Variants in CLYBL observed in about 807,000 individuals in gnomAD.
The protein encoded by CLYBL is citramalyl-CoA lyase.
A neutral mutation model predicts 38.9 loss-of-function variants in CLYBL; 31 were observed. The observed-to-expected ratio is 0.80, with a 90% CI of 0.60 to 1.08. The LOEUF is 1.08. CLYBL is among the 50% of genes least tolerant of loss of function. The pLI is 0.00. For synonymous variants in CLYBL, 171 were observed against 158.6 expected (o/e 1.08, Z -0.59); for missense variants, 434 against 411.6 (o/e 1.05, Z -0.47).
intron 2 of CLYBL, among the ~76,000 whole-genome samples, chr13:99,852,455 A>G (rs1219032606): frequency 6.6e-6 from 1 of 152,200 alleles, no homozygotes; most frequent in East Asian, 1.9e-4. Flanking sequence ...TGAATACACT[A>G]ACAGCCACTG....
intron 2 of CLYBL, among the ~76,000 whole-genome samples, chr13:99,845,045 A>G (rs2038693): frequency 0.73 from 111,716 of 152,064 alleles, 41,354 homozygotes; most frequent in East Asian, 0.94. Flanking sequence ...ATATTGTGAA[A>G]GAGAACGTTA....
rs73566236 is a variant in CLYBL, at chr13:99,685,300, T to G, written c.62+78543T>G. Among the ~76,000 whole-genome samples the G allele has an allele frequency of 4.4e-3, 673 of 152,304 alleles. 3 individuals are homozygous for G. Among genetic ancestry groups the G allele is most frequent in the African/African-American group, 0.016 (646 of 41,574 alleles). ...CAAAAATTGAAGGGGGGAAAAAGCCTATTATGTGTATTCCAGAAGTGAAGG... is the reference window on the plus strand; with the variant it reads ...CAAAAATTGAAGGGGGGAAAAAGCCGATTATGTGTATTCCAGAAGTGAAGG... On this transcript the variant is annotated intron_variant, in intron 1 of 8. Transcript: ENST00000339105.
chr13:99,808,929 G>C (rs1376909287), intron 2 of CLYBL, among the ~76,000 whole-genome samples: 2 of 152,116 alleles, frequency 1.3e-5, no homozygotes, highest in African/African-American at 4.8e-5. Flanking sequence ...TTTCTCCCAT[G>C]AGTATGTAAG....
At chr13:99,752,655 C>T (rs1403779232) in intron 1 of CLYBL, among the ~76,000 whole-genome samples, 2 of 152,230 alleles carry the variant, frequency 1.3e-5, no homozygotes, top group Middle Eastern at 3.4e-3. Flanking sequence ...GCTGTCTTCC[C>T]TCCTGCCATC....
chr13:99,842,974 G>A (rs1472218508), intron 2 of CLYBL, among the ~76,000 whole-genome samples: 3 of 152,010 alleles, frequency 2.0e-5, no homozygotes, highest in Admixed American at 6.6e-5. Flanking sequence ...AACCACTTAC[G>A]TTATATGATT....
intron 1 of CLYBL, among the ~76,000 whole-genome samples, chr13:99,611,882 G>T (rs906892831): frequency 7.9e-5 from 12 of 152,310 alleles, no homozygotes; most frequent in East Asian, 5.8e-4. Flanking sequence ...ACATTCACGT[G>T]CCTGGAGTTG....
At chr13:99,660,289 G>C (rs2047390137) in intron 1 of CLYBL, among the ~76,000 whole-genome samples, 2 of 152,344 alleles carry the variant, frequency 1.3e-5, no homozygotes, top group South Asian at 2.1e-4. Context: ...GTTTGGGAAA[G>C]GCAATTGAAC....
intron 2 of CLYBL, chr13:99,783,936 T>A (rs2049721225): frequency 6.6e-6 from 1 of 152,320 alleles, no homozygotes; most frequent in Admixed American, 6.5e-5. Context: ...GTCATAGCAT[T>A]AAGAGTTCTT....
chr13:99,609,663 A>C (rs571680446), intron 1 of CLYBL, among the ~76,000 whole-genome samples: 1 of 151,908 alleles, frequency 6.6e-6, no homozygotes, highest in Non-Finnish European at 1.5e-5. Flanking sequence ...CAGCCTCCCA[A>C]ATAGCTGGGA....
At chr13:99,772,758 A>G in intron 1 of CLYBL, 66 bp from the exon 2 acceptor site, 1 of 1,254,692 alleles carries the variant, frequency 8.0e-7, no homozygotes, top group South Asian at 1.4e-5. Flanking sequence ...ATTAAAATAT[A>G]GTTTTTCACA....
Position 99,865,667 on chromosome 13 carries a change from T to A in CLYBL, c.635-573T>A, listed in dbSNP as rs542114088. On this transcript the variant is annotated intron_variant, in intron 5 of 8. Coordinates refer to ENST00000339105, the MANE Select transcript of CLYBL (RefSeq NM_206808.5). The surrounding 1 kb of genome is among the most constrained non-coding windows in gnomAD (Gnocchi z 4.7). ...AATACGAGTCTTTCCAGGAGACTTG[T>A]GTATCCAACGGTTCAGCGGGCTACA... Among the ~76,000 whole-genome samples, 4 of 152,346 alleles carry A rather than the reference T, an allele frequency of 2.6e-5. No individual in the cohort carries two copies. The South Asian group carries it at 8.3e-4, about 32-fold the overall frequency.
In CLYBL at chr13:99,865,284, A is replaced by AGATTT. The variant is rs1330329150; in HGVS notation, c.634+374_634+378dup. On this transcript the variant is annotated intron_variant, in intron 5 of 8. Transcript: ENST00000339105. The surrounding 1 kb of genome is among the most constrained non-coding windows in gnomAD (Gnocchi z 4.7). The stretch of plus-strand genomic sequence containing the variant: ...TTTCATATCAGTCTGTGGGCTGTCT[A>AGATTT]GATTTCTAACGCAAATTTAAGGCAA... The AGATTT allele has an allele frequency of 3.7e-6, 1 of 271,694 alleles. No homozygotes were observed. Among genetic ancestry groups the AGATTT allele is most frequent in the Non-Finnish European group, 7.2e-6 (1 of 138,806 alleles). The allele number at this position is 271,694 out of a possible 1,614,324, so 16.8% of individuals were successfully genotyped here. A position where few individuals can be genotyped will look rare whatever the true frequency, so the allele number is the denominator to read the frequency against.
chr13:99,697,561 G>T (rs903604253), intron 1 of CLYBL, among the ~76,000 whole-genome samples: 4 of 151,548 alleles, frequency 2.6e-5, no homozygotes, highest in Admixed American at 6.6e-5. Flanking sequence ...GTAGAGATGG[G>T]GTTTCACCAT....
At chr13:99,720,890 C>G (rs2048382018) in intron 1 of CLYBL, among the ~76,000 whole-genome samples, 1 of 152,146 alleles carries the variant, frequency 6.6e-6, no homozygotes, top group Admixed American at 6.6e-5. Context: ...CTGAAAACAT[C>G]TCAGTCATAA....
intron 1 of CLYBL, among the ~76,000 whole-genome samples, chr13:99,650,423 A>G (rs187630461): frequency 2.6e-4 from 40 of 152,314 alleles, no homozygotes; most frequent in African/African-American, 8.2e-4. Flanking sequence ...CCCTGTCTCA[A>G]AAAAAGAAGT....
chr13:99,623,958 C>CAAAAA (rs754256330), intron 1 of CLYBL, among the ~76,000 whole-genome samples: 2 of 64,212 alleles, frequency 3.1e-5, no homozygotes, highest in Non-Finnish European at 3.4e-5. Context: ...GACTCCATCT[C>CAAAAA]AAAAAAAAAA....
chr13:99,809,455 C>A (rs892143533), intron 2 of CLYBL, among the ~76,000 whole-genome samples: 6 of 152,196 alleles, frequency 3.9e-5, no homozygotes, highest in Non-Finnish European at 8.8e-5. Flanking sequence ...ATCAAGATTT[C>A]AAGCTTGGTA....
At chr13:99,642,374 A>G (rs2047108350) in intron 1 of CLYBL, among the ~76,000 whole-genome samples, 2 of 152,064 alleles carry the variant, frequency 1.3e-5, no homozygotes, top group African/African-American at 4.8e-5. Context: ...TGGGGTGAAA[A>G]TCAGAGTATT....
At chr13:99,683,943 A>T (rs1393518305) in intron 1 of CLYBL, among the ~76,000 whole-genome samples, 1 of 148,564 alleles carries the variant, frequency 6.7e-6, no homozygotes, top group Non-Finnish European at 1.5e-5. Context: ...ATCTCGGCTC[A>T]CTGCAAGCTC....
Sources: gnomAD v4.1 joint callset for allele counts (sites outside exome capture counted in the v4.1 genomes callset) on GRCh38, gnomAD v4.1.1 for gene constraint, Gnocchi (gnomAD v3.1) non-coding constraint, MANE v1.5 for transcripts, NCBI Gene and HGNC (gene_info 2026-07-23, HGNC 2026-07-21) for gene names.